PPM1F: variants seen among roughly 807,000 people sequenced by gnomAD.
PPM1F encodes the protein protein phosphatase 1F.
Under a neutral mutation model 35.5 loss-of-function variants are expected in PPM1F, and 17 were observed. The observed-to-expected ratio is 0.48, with a 90% CI of 0.33 to 0.72. PPM1F has a LOEUF of 0.72. Ranked by LOEUF, PPM1F falls within the 30% of genes least tolerant of loss-of-function variation. The pLI is 0.02. For missense variants in PPM1F, 521 were observed against 613.0 expected (o/e 0.85, Z 1.59); for synonymous variants, 241 against 255.5 (o/e 0.94, Z 0.54).
chr22:21,939,566 C>G lies in PPM1F; in HGVS notation c.321G>C (p.Glu107Asp), dbSNP rs138566201. The G allele has an allele frequency of 1.4e-4, 216 of 1,579,644 alleles. 2 individuals are homozygous for G. In the African/African-American group the frequency reaches 2.7e-3, roughly 20 times the overall value. ...KLPREEEEEE[E>D]DDDEEEKAPV... ...GGGCCTTTTCCTCCTCGTCATCGTCCTCCTCCTCTTCTTCTTCCTCCCTGG... is the reference window on the plus strand; with the variant it reads ...GGGCCTTTTCCTCCTCGTCATCGTCGTCCTCCTCTTCTTCTTCCTCCCTGG... The change falls in exon 3 of 8, where the codon GAG (glutamate) becomes GAC (aspartate). Residue 107 changes from glutamate (E) to aspartate (D), a missense_variant. Physicochemically the swap from Glu to Asp is conservative, Grantham distance 45 (BLOSUM62 2). Around this residue, in one of 3 missense-constraint regions of PPM1F, gnomAD observed 311 missense variants for 351.5 expected, o/e 0.88. Coordinates refer to ENST00000263212, the MANE Select transcript of PPM1F (RefSeq NM_014634.4). This position sits in a 1 kb window ranked among gnomAD's most constrained non-coding sequence, Gnocchi z 5.1.
Position 21,939,410 on chromosome 22 carries a change from G to A in PPM1F, c.355+122C>T. The A allele has an allele frequency of 7.6e-7, 1 of 1,310,590 alleles. No homozygotes were observed. The highest frequency in any genetic ancestry group is 1.1e-6 in the Non-Finnish European group (1 of 952,238). 81.2% of individuals were successfully genotyped at this position (1,310,590 alleles called of 1,614,324 possible). A position where few individuals can be genotyped will look rare whatever the true frequency, so the allele number is the denominator to read the frequency against. ...GCCTTCTCTGCTCCTTGATTCTGCT[G>A]CCGTTGTGAGCGAGGGCCCCAGCAC... is the stretch of plus-strand genomic sequence containing the variant. On this transcript the variant is annotated intron_variant, in intron 3 of 7. Transcript: ENST00000263212. The surrounding 1 kb of genome is among the most constrained non-coding windows in gnomAD (Gnocchi z 5.1).
intron 1 of PPM1F, chr22:21,946,662 C>T (rs886682694): frequency 1.3e-5 from 2 of 152,040 alleles, no homozygotes; most frequent in African/African-American, 4.9e-5. Context: ...GGAAGGGATC[C>T]CCAGAGGCTG....
intron 2 of PPM1F, chr22:21,945,587 G>A (rs1469578054): frequency 5.9e-6 from 3 of 508,686 alleles, no homozygotes; most frequent in Non-Finnish European, 1.0e-5. Flanking sequence ...CTTTGAGAGA[G>A]CATGGCGCAG....
At position 21,923,005 on chromosome 22, in the gene PPM1F, C is replaced by T; in HGVS notation, c.*87G>A. 4 of 1,500,612 alleles carry T rather than the reference C, an allele frequency of 2.7e-6. No homozygotes were observed. Among genetic ancestry groups the T allele is most frequent in the Non-Finnish European group, 3.6e-6 (4 of 1,120,242 alleles). The allele number at this position is 1,500,612 out of a possible 1,614,324, so 93.0% of individuals were successfully genotyped here. On this transcript the variant is annotated 3_prime_UTR_variant, in exon 8 of 8. Coordinates refer to ENST00000263212, the MANE Select transcript of PPM1F (RefSeq NM_014634.4). ...CACTGTGGGGCGGGCACCCTGTCCACTGCCTGCCACCTGTTGGGTCCTGAG... is the reference window on the plus strand; with the variant it reads ...CACTGTGGGGCGGGCACCCTGTCCATTGCCTGCCACCTGTTGGGTCCTGAG...
At chr22:21,934,557 T>G in intron 3 of PPM1F, 1 of 289,064 alleles carries the variant, frequency 3.5e-6, no homozygotes, top group Non-Finnish European at 6.6e-6. Flanking sequence ...AGAAATACTA[T>G]ATATCCAATG....
At chr22:21,930,517 C>G (rs980567068) in intron 6 of PPM1F, among the ~76,000 whole-genome samples, 1 of 152,336 alleles carries the variant, frequency 6.6e-6, no homozygotes, top group East Asian at 1.9e-4. Flanking sequence ...ATGGGTGCTC[C>G]TATGTGCTGA....
chr22:21,931,687 T>A (rs1425666144), intron 5 of PPM1F, among the ~76,000 whole-genome samples: 1 of 151,900 alleles, frequency 6.6e-6, no homozygotes, highest in Non-Finnish European at 1.5e-5. Flanking sequence ...TAATTTTTTG[T>A]GTTTTTAGTA....
chr22:21,929,100 C>T (rs993314584), intron 6 of PPM1F, among the ~76,000 whole-genome samples: 9 of 152,278 alleles, frequency 5.9e-5, no homozygotes, highest in South Asian at 2.1e-4. Flanking sequence ...CGTTGAAGCT[C>T]GCCAAGTTGA....
At chr22:21,923,795 A>G (rs1470679546) in intron 7 of PPM1F, among the ~76,000 whole-genome samples, 1 of 151,118 alleles carries the variant, frequency 6.6e-6, no homozygotes, top group Non-Finnish European at 1.5e-5. Flanking sequence ...CCCCTGCCTC[A>G]GCCTCCCGAG....
At chr22:21,931,616 G>A (rs188883919) in intron 5 of PPM1F, among the ~76,000 whole-genome samples, 104 of 152,118 alleles carry the variant, frequency 6.8e-4, no homozygotes, top group African/African-American at 2.5e-3. Context: ...GGGTTCAAGT[G>A]ATTCTCCTGC....
rs1424265165 is a variant in PPM1F, at chr22:21,939,886, G to A, written c.207-206C>T. Among the ~76,000 whole-genome samples the A allele has an allele frequency of 1.3e-5, 2 of 152,178 alleles. No homozygotes were observed. Among genetic ancestry groups the A allele is most frequent in the Admixed American group, 6.5e-5 (1 of 15,290 alleles). On this transcript the variant is annotated intron_variant, in intron 2 of 7. Transcript: ENST00000263212. This position sits in a 1 kb window ranked among gnomAD's most constrained non-coding sequence, Gnocchi z 5.1. ...GGAGCTGGACCATACTTGAGCCTGCGGCTAGTTGGGAGGGGGCTGTTGATG... is the reference window on the plus strand; with the variant it reads ...GGAGCTGGACCATACTTGAGCCTGCAGCTAGTTGGGAGGGGGCTGTTGATG...
At chr22:21,926,893 G>C (rs1468053530) in intron 6 of PPM1F, among the ~76,000 whole-genome samples, 2 of 152,204 alleles carry the variant, frequency 1.3e-5, no homozygotes, top group African/African-American at 2.4e-5. Context: ...CGGGAGGCCT[G>C]GGGGAGGCAG....
Position 21,923,403 on chromosome 22 carries a change from C to A in PPM1F, c.1054G>T (p.Glu352Ter). Residue 352 changes from glutamate (E) to a stop codon, truncating the protein, a stop_gained, in exon 8 of 8, where the codon GAG becomes TAG. Transcript: ENST00000263212. LOFTEE classifies it low-confidence loss of function (END_TRUNC). ...TCACAGGCAAGCAGCAGGTAGTCCT[C>A]GGAGCCCGTCAGCGCCCGGGAAGCT... ...DAASRALTGS[E>*]DYLLLACDGF... is the part of the protein sequence containing the mutation. 6.2e-7 allele frequency: 1 copy of A among 1,613,778 alleles called. No homozygotes were observed. The highest frequency in any genetic ancestry group is 8.5e-7 in the Non-Finnish European group (1 of 1,179,956).
Position 21,945,968 on chromosome 22 carries a change from C to T in PPM1F, c.81G>A (p.Leu27=). ...GGTTCAGCAGGGCTGGGAAGTCTTGCAGGAGCGTGTCCAGGAAGCCTGGGG... is the reference window on the plus strand; with the variant it reads ...GGTTCAGCAGGGCTGGGAAGTCTTGTAGGAGCGTGTCCAGGAAGCCTGGGG... ...EETPGFLDTL[L]QDFPALLNPE... The change falls in exon 2 of 8, where the codon CTG becomes CTA. Residue 27 remains leucine, a synonymous_variant. Transcript: ENST00000263212. 1 of 1,611,230 alleles carries T rather than the reference C, an allele frequency of 6.2e-7. No homozygotes were observed.
At chr22:21,928,179 G>A (rs1360069972) in intron 6 of PPM1F, among the ~76,000 whole-genome samples, 1 of 151,980 alleles carries the variant, frequency 6.6e-6, no homozygotes, top group Non-Finnish European at 1.5e-5. Flanking sequence ...GCTGGAGCCG[G>A]TGGCCTGTGG....
intron 3 of PPM1F, chr22:21,938,412 G>A: frequency 8.6e-7 from 1 of 1,157,896 alleles, no homozygotes; most frequent in Non-Finnish European, 1.1e-6. Context: ...CGCTCCCAGG[G>A]AATGCGGGCA....
At chr22:21,938,292 C>T (rs1024794548) in intron 3 of PPM1F, 2 of 1,262,324 alleles carry the variant, frequency 1.6e-6, no homozygotes, top group Non-Finnish European at 2.1e-6. Context: ...TTGGTGGGGC[C>T]GCAGAGCGGA....
At chr22:21,930,725 G>C (rs2070578714) in intron 6 of PPM1F, among the ~76,000 whole-genome samples, 1 of 152,208 alleles carries the variant, frequency 6.6e-6, no homozygotes, top group Non-Finnish European at 1.5e-5. Flanking sequence ...TCCAGGTGAT[G>C]ACCTGAGTGC....
rs1239249768 is a variant in PPM1F, at chr22:21,933,396, G to A, written c.742C>T (p.Arg248Ter). ...GCCCAGCGGCCAGTCCTCACCTCTCGCTTGGCTTTCCTGAGAAACATCTGG... is the reference window on the plus strand; with the variant it reads ...GCCCAGCGGCCAGTCCTCACCTCTCACTTGGCTTTCCTGAGAAACATCTGG... ...TDQMFLRKAK[R>*]ERLQSGTTGV... is the part of the protein sequence containing the mutation. The change falls in exon 5 of 8, where the codon CGA (arginine) becomes TGA (stop). Residue 248 changes from arginine to a stop codon, truncating the protein, a stop_gained. Transcript: ENST00000263212. LOFTEE classifies it high-confidence loss of function. The A allele has an allele frequency of 3.4e-5, 54 of 1,607,028 alleles. No homozygotes were observed. Among genetic ancestry groups the A allele is most frequent in the Non-Finnish European group, 4.5e-5 (53 of 1,177,370 alleles).
Sources: gnomAD v4.1 joint callset for allele counts (sites outside exome capture counted in the v4.1 genomes callset) on GRCh38, gnomAD v4.1.1 for gene constraint, gnomAD v4.1.1 regional missense constraint, Gnocchi (gnomAD v3.1) non-coding constraint, MANE v1.5 for transcripts, NCBI Gene and HGNC (gene_info 2026-07-23, HGNC 2026-07-21) for gene names.